Variants in DNAH11 observed in about 807,000 individuals in gnomAD.
DNAH11 encodes dynein axonemal heavy chain 11.
Under a neutral mutation model 526.0 loss-of-function variants are expected in DNAH11, and 442 were observed. That is an observed-to-expected ratio of 0.84 (90% CI 0.78 to 0.91). The LOEUF is 0.91. Among genes scored for constraint, DNAH11 ranks in the 40% least tolerant of loss-of-function variants. DNAH11 has a pLI of 0.00. For synonymous variants in DNAH11, 2,461 were observed against 1,935.9 expected, an observed-to-expected ratio of 1.27 and a Z score of -7.12; for missense variants, 6,989 against 5,448.7, an observed-to-expected ratio of 1.28 and a Z score of -8.90.
At chr7:21,560,839 C>T (rs758613546) in intron 4 of DNAH11, among the ~76,000 whole-genome samples, 2 of 151,994 alleles carry the variant, frequency 1.3e-5, no homozygotes, top group Non-Finnish European at 2.9e-5. Context: ...ATAACTATCA[C>T]ATATAATAAT....
At chr7:21,862,511 T>A (rs1783104304) in intron 69 of DNAH11, among the ~76,000 whole-genome samples, 1 of 151,920 alleles carries the variant, frequency 6.6e-6, no homozygotes, top group African/African-American at 2.4e-5. Flanking sequence ...GCTAAAGGAG[T>A]AGATTTTAAA....
intron 30 of DNAH11, among the ~76,000 whole-genome samples, chr7:21,662,116 G>A (rs1167065659): frequency 6.6e-6 from 1 of 152,078 alleles, no homozygotes; most frequent in Non-Finnish European, 1.5e-5. Context: ...CACTGTGCCT[G>A]GCCAAATGCT....
intron 25 of DNAH11, among the ~76,000 whole-genome samples, chr7:21,634,518 C>T (rs1408953346): frequency 6.6e-6 from 1 of 152,118 alleles, no homozygotes; most frequent in Admixed American, 6.5e-5. Flanking sequence ...GGTCATTGTA[C>T]TCAGTGACTT....
In DNAH11 at chr7:21,617,602, C is replaced by A. The variant is rs771985495; in HGVS notation, c.4096-17C>A. ...TTATATCTTGGGAGCTAGGTTTTTTCCTCCACTTTTCTTTAGGAAATTTGG... is the reference window on the plus strand; with the variant it reads ...TTATATCTTGGGAGCTAGGTTTTTTACTCCACTTTTCTTTAGGAAATTTGG... On this transcript the variant is annotated splice_polypyrimidine_tract_variant and intron_variant, in intron 22 of 81. Coordinates refer to ENST00000409508, the MANE Select transcript of DNAH11 (RefSeq NM_001277115.2). 1 of 1,613,100 alleles carries A rather than the reference C, an allele frequency of 6.2e-7. No individual in the cohort carries two copies. The highest frequency in any genetic ancestry group is 2.2e-5 in the East Asian group (1 of 44,850).
intron 70 of DNAH11, among the ~76,000 whole-genome samples, chr7:21,864,902 T>A (rs1008623559): frequency 1.3e-5 from 2 of 152,228 alleles, no homozygotes; most frequent in East Asian, 3.8e-4. Context: ...GTACAATCTG[T>A]CAGGACCTTT....
At chr7:21,883,392 G>A (rs1162890176) in intron 75 of DNAH11, among the ~76,000 whole-genome samples, 6 of 152,160 alleles carry the variant, frequency 3.9e-5, no homozygotes, top group Admixed American at 6.5e-5. Context: ...ATAAAGAGTA[G>A]GTACAGTGAT....
chr7:21,762,089 T>C (rs938331944), intron 54 of DNAH11, among the ~76,000 whole-genome samples: 1 of 152,060 alleles, frequency 6.6e-6, no homozygotes, highest in Admixed American at 6.5e-5. Flanking sequence ...CTCCCTATCA[T>C]GAGAACAGCA....
In DNAH11 at chr7:21,718,188, G is replaced by GTTT. The variant is rs146409469; in HGVS notation, c.7134+263_7134+264insTTT. On this transcript the variant is annotated intron_variant, in intron 43 of 81. Coordinates refer to ENST00000409508, the MANE Select transcript of DNAH11 (RefSeq NM_001277115.2). The stretch of plus-strand genomic sequence containing the variant: ...AAGAAGGTTAGAACCATGTTTTACT[G>GTTT]ATTTTTTTTTAGTATCCCCAGATAG... 0.042 allele frequency among the ~76,000 whole-genome samples: 6,393 copies of GTTT among 151,284 alleles called. 336 individuals carry two copies. Among genetic ancestry groups the GTTT allele is most frequent in the East Asian group, 0.21 (1,095 of 5,124 alleles).
At chr7:21,868,059 A>AC (rs35003392) in intron 72 of DNAH11, 52 bp downstream of exon 72, 7 of 1,207,948 alleles carry the variant, frequency 5.8e-6, no homozygotes, top group Non-Finnish European at 7.3e-6. Context: ...CCTCCCTTTC[A>AC]CCCCCACCCC....
At chr7:21,714,635 G>A (rs1390575099) in intron 42 of DNAH11, among the ~76,000 whole-genome samples, 1 of 152,092 alleles carries the variant, frequency 6.6e-6, no homozygotes, top group Admixed American at 6.5e-5. Context: ...TTTCACCAGT[G>A]TTTTCTTCAG....
chr7:21,694,696 A>G (rs1188895703), intron 35 of DNAH11, among the ~76,000 whole-genome samples: 1 of 152,152 alleles, frequency 6.6e-6, no homozygotes, highest in Non-Finnish European at 1.5e-5. Flanking sequence ...ATGATTTATA[A>G]TCCCTTGGAT....
chr7:21,776,982 T>C (rs1046607766), intron 56 of DNAH11, among the ~76,000 whole-genome samples: 3 of 151,770 alleles, frequency 2.0e-5, no homozygotes, highest in African/African-American at 7.3e-5. Context: ...TGCAGTTTTA[T>C]CACATGTAGG....
At position 21,901,402 on chromosome 7, in the gene DNAH11, G is replaced by GA. The variant is rs886062190; in HGVS notation, c.*155dup. 103 of 1,154,720 alleles carry GA rather than the reference G, an allele frequency of 8.9e-5. No homozygotes were observed. Among genetic ancestry groups the GA allele is most frequent in the South Asian group, 2.4e-4 (9 of 37,524 alleles). 71.5% of individuals were successfully genotyped at this position (1,154,720 alleles called of 1,614,324 possible). On this transcript the variant is annotated 3_prime_UTR_variant, in exon 82 of 82. Transcript: ENST00000409508. ...AACGCTATCCTTAGAGTGAAAGTCAGAAAAAAATACTAGAAACTAACTCAG... is the reference window on the plus strand; with the variant it reads ...AACGCTATCCTTAGAGTGAAAGTCAGAAAAAAAATACTAGAAACTAACTCAG...
At chr7:21,660,574 AAAG>A (rs1782201235) in intron 30 of DNAH11, among the ~76,000 whole-genome samples, 2 of 151,994 alleles carry the variant, frequency 1.3e-5, no homozygotes, top group Admixed American at 6.6e-5. Context: ...CAGAAAATGA[AAAG>A]AAGGGACATA....
At chr7:21,779,915 C>T (rs1384938134) in intron 57 of DNAH11, among the ~76,000 whole-genome samples, 1 of 152,154 alleles carries the variant, frequency 6.6e-6, no homozygotes, top group Non-Finnish European at 1.5e-5. Context: ...AACATTCTCA[C>T]AGCCATTGAA....
intron 61 of DNAH11, among the ~76,000 whole-genome samples, chr7:21,795,349 A>T (rs183218811): frequency 1.4e-3 from 211 of 152,200 alleles, no homozygotes; most frequent in African/African-American, 4.9e-3. Flanking sequence ...TCATCTGCTA[A>T]TTCTCCCTGT....
intron 45 of DNAH11, among the ~76,000 whole-genome samples, chr7:21,726,611 C>G (rs1376064580): frequency 1.3e-5 from 2 of 151,732 alleles, no homozygotes; most frequent in Admixed American, 1.3e-4. Flanking sequence ...CCTGTAATCC[C>G]AGCACTTTGG....
At position 21,744,679 on chromosome 7, in the gene DNAH11, G is replaced by A. The variant is rs796199416; in HGVS notation, c.8316+80G>A. Reference sequence around the variant, plus strand: ...GGACTAAAGTTAGATGAGGGTATGAGAGAAGTGCACAAGGGCTTACCTTTT... The same window carrying A: ...GGACTAAAGTTAGATGAGGGTATGAAAGAAGTGCACAAGGGCTTACCTTTT... On this transcript the variant is annotated intron_variant, in intron 50 of 81. Coordinates refer to ENST00000409508, the MANE Select transcript of DNAH11 (RefSeq NM_001277115.2). 5.8e-6 allele frequency: 9 copies of A among 1,558,322 alleles called. No homozygotes were observed. In the African/African-American group the frequency reaches 1.2e-4, roughly 21 times the overall value.
rs540408417 is a variant in DNAH11, at chr7:21,680,375, A to G, written c.5329-1171A>G. On this transcript the variant is annotated intron_variant, in intron 30 of 81. Coordinates refer to ENST00000409508, the MANE Select transcript of DNAH11 (RefSeq NM_001277115.2). ...ATTGTTTCACAGTATGATACCTGGA[A>G]TAAGGCAGAAATATTGTTTTTGTAA... Among the ~76,000 whole-genome samples, 10 of 152,348 alleles carry G rather than the reference A, an allele frequency of 6.6e-5. No homozygotes were observed. In the East Asian group the frequency reaches 1.9e-3, roughly 29 times the overall value.
Sources: allele counts gnomAD v4.1 joint callset (sites outside exome capture counted in the v4.1 genomes callset), GRCh38; gene constraint gnomAD v4.1.1; transcripts MANE v1.5; gene names NCBI Gene and HGNC (gene_info 2026-07-23, HGNC 2026-07-21).